Variants in LAMA2 observed in about 807,000 individuals in gnomAD.
LAMA2 encodes laminin subunit alpha-2.
A neutral mutation model predicts 364.8 loss-of-function variants in LAMA2; 269 were observed. The observed-to-expected ratio is 0.74, with a 90% confidence interval of 0.67 to 0.82. LAMA2 has a LOEUF of 0.82. Ranked by LOEUF, LAMA2 falls within the 40% of genes least tolerant of loss-of-function variation. The probability of loss-of-function intolerance (pLI) is 0.00; values close to 1 mark genes in which losing one functional copy is unlikely to be tolerated. For synonymous variants in LAMA2, 1,379 were observed against 1,370.6 expected (o/e 1.01, Z -0.14); for missense variants, 3,807 against 3,873.2 (o/e 0.98, Z 0.45).
chr6:129,200,228 G>T (rs1010600324), intron 12 of LAMA2, among the ~76,000 whole-genome samples: 13 of 142,036 alleles, frequency 9.2e-5, no homozygotes, highest in Non-Finnish European at 1.8e-4. Flanking sequence ...ATATATACGT[G>T]TACACATATA....
At chr6:129,316,437 T>C (rs1774614440) in intron 27 of LAMA2, among the ~76,000 whole-genome samples, 1 of 152,190 alleles carries the variant, frequency 6.6e-6, no homozygotes, top group Non-Finnish European at 1.5e-5. Flanking sequence ...AGTCATAAAT[T>C]CAAGAGATCA....
intron 1 of LAMA2, among the ~76,000 whole-genome samples, chr6:128,980,204 A>T (rs577189309): frequency 2.1e-3 from 314 of 152,338 alleles, no homozygotes; most frequent in African/African-American, 7.1e-3. Context: ...TGCAAGAGAA[A>T]TATGGTGATT....
At chr6:129,171,892 C>G (rs1780183289) in intron 9 of LAMA2, among the ~76,000 whole-genome samples, 1 of 106,666 alleles carries the variant, frequency 9.4e-6, no homozygotes, top group Non-Finnish European at 1.9e-5. Flanking sequence ...TCTTTTTTCT[C>G]TAAACTTCCC....
intron 41 of LAMA2, among the ~76,000 whole-genome samples, chr6:129,432,161 C>T (rs201518895): frequency 6.6e-6 from 1 of 152,170 alleles, no homozygotes; most frequent in East Asian, 1.9e-4. Context: ...CCTGGGTCCC[C>T]TGGCCTACTG....
chr6:129,301,023 T>A, intron 22 of LAMA2, 151 bp downstream of exon 22: 1 of 729,306 alleles, frequency 1.4e-6, no homozygotes, highest in Non-Finnish European at 2.4e-6. Flanking sequence ...ATCAATATCT[T>A]ACAGTTTACT....
chr6:129,275,764 A>T (rs1279686894), intron 17 of LAMA2, among the ~76,000 whole-genome samples: 1 of 151,558 alleles, frequency 6.6e-6, no homozygotes, highest in Non-Finnish European at 1.5e-5. Flanking sequence ...AAAAATTAAT[A>T]AGTCGTATCT....
At chr6:129,275,974 A>G (rs1788294573) in intron 17 of LAMA2, among the ~76,000 whole-genome samples, 1 of 152,126 alleles carries the variant, frequency 6.6e-6, no homozygotes, top group African/African-American at 2.4e-5. Context: ...CTTAAAGGTA[A>G]TTAAAGAAAT....
intron 46 of LAMA2, among the ~76,000 whole-genome samples, chr6:129,453,930 C>G (rs1277553424): frequency 6.9e-6 from 1 of 144,406 alleles, no homozygotes; most frequent in Non-Finnish European, 1.5e-5. Flanking sequence ...AACAAACATG[C>G]CTGAGCATTA....
intron 3 of LAMA2, among the ~76,000 whole-genome samples, 180 bp downstream of exon 3, chr6:129,060,076 AT>A (rs1788792887): frequency 6.6e-6 from 1 of 152,232 alleles, no homozygotes; most frequent in African/African-American, 2.4e-5. Context: ...AGTATTCAGC[AT>A]TTAATTATAA....
chr6:129,236,752 A>AGT (rs1284925721), intron 12 of LAMA2, among the ~76,000 whole-genome samples: 2 of 150,904 alleles, frequency 1.3e-5, no homozygotes, highest in African/African-American at 4.8e-5. Context: ...CACACATATA[A>AGT]GTATATATAT....
intron 1 of LAMA2, among the ~76,000 whole-genome samples, chr6:128,921,693 GTC>G (rs1778726376): frequency 1.6e-5 from 2 of 128,010 alleles, no homozygotes; most frequent in African/African-American, 7.8e-5. Context: ...TGAAATGAAT[GTC>G]TGTTTTTTTT....
At position 129,328,356 on chromosome 6, in the gene LAMA2, C is replaced by A; in HGVS notation, c.4255C>A (p.Pro1419Thr). 6.2e-7 allele frequency: 1 copy of A among 1,614,188 alleles called. No homozygotes were observed. Among genetic ancestry groups the A allele is most frequent in the East Asian group, 2.2e-5 (1 of 44,884 alleles). ...TPGPTLGTCV[P>T]CQCNGHSSLC... is the part of the protein sequence containing the mutation. ...TGGACCAACCCTGGGCACCTGTGTT[C>A]CATGTCAATGTAATGGACACAGCAG... The change falls in exon 29 of 65, where the codon CCA (proline) becomes ACA (threonine). Residue 1419 changes from proline to threonine, a missense_variant. Around this residue, in one of 3 missense-constraint regions of LAMA2, gnomAD observed 3,333 missense variants for 3,345.7 expected, o/e 1.00. Transcript: ENST00000421865.
At chr6:129,330,017 T>C (rs1329828533) in intron 29 of LAMA2, among the ~76,000 whole-genome samples, 1 of 151,802 alleles carries the variant, frequency 6.6e-6, no homozygotes, top group African/African-American at 2.4e-5. Context: ...ATCTAGGTTG[T>C]GCGCTCCTGA....
chr6:128,908,858 A>G (rs1460183975), intron 1 of LAMA2, among the ~76,000 whole-genome samples: 2 of 148,428 alleles, frequency 1.3e-5, no homozygotes, highest in Non-Finnish European at 3.0e-5. Context: ...TCGGTTTCAA[A>G]GAACATCTTT....
chr6:129,312,186 T>A (rs948534502), intron 22 of LAMA2, among the ~76,000 whole-genome samples: 3 of 151,596 alleles, frequency 2.0e-5, no homozygotes, highest in African/African-American at 4.8e-5. Context: ...TTCAGAAAAT[T>A]CTAGCAAAAA....
intron 41 of LAMA2, among the ~76,000 whole-genome samples, chr6:129,436,286 A>G (rs1190026376): frequency 6.6e-6 from 1 of 151,964 alleles, no homozygotes; most frequent in East Asian, 1.9e-4. Flanking sequence ...TTCTCTACCC[A>G]GCTCCCACCA....
chr6:128,896,587 T>G (rs929950149), intron 1 of LAMA2, among the ~76,000 whole-genome samples: 4 of 152,208 alleles, frequency 2.6e-5, no homozygotes, highest in African/African-American at 9.6e-5. Context: ...CAAGCTTTGA[T>G]AAAATATTTT....
chr6:129,072,373 G>T (rs1773373485), intron 3 of LAMA2, among the ~76,000 whole-genome samples: 1 of 151,950 alleles, frequency 6.6e-6, no homozygotes, highest in Admixed American at 6.6e-5. Flanking sequence ...GTGTACTTTT[G>T]TATGTAGATT....
chr6:129,022,838 A>G (rs1785529875), intron 1 of LAMA2, among the ~76,000 whole-genome samples: 1 of 152,212 alleles, frequency 6.6e-6, no homozygotes, highest in Non-Finnish European at 1.5e-5. Flanking sequence ...AAATACTATT[A>G]TCCCCAAAAG....
Sources: gnomAD v4.1 joint callset for allele counts (sites outside exome capture counted in the v4.1 genomes callset) on GRCh38, gnomAD v4.1.1 for gene constraint, gnomAD v4.1.1 regional missense constraint, MANE v1.5 for transcripts, NCBI Gene and HGNC (gene_info 2026-07-23, HGNC 2026-07-21) for gene names.